Variants in BICD1 observed in about 807,000 individuals in gnomAD.
BICD1 encodes the protein BICD cargo adaptor 1, also known as protein bicaudal D homolog 1.
Under a neutral mutation model 92.5 loss-of-function variants are expected in BICD1, and 35 were observed. The observed-to-expected ratio is 0.38, with a 90% CI of 0.29 to 0.50. The LOEUF (loss-of-function observed/expected upper bound fraction) is 0.50. BICD1 is among the 20% of genes least tolerant of loss of function. The pLI, the probability that BICD1 is intolerant of heterozygous loss-of-function variation, is 0.93. For missense variants in BICD1, 950 were observed against 1,189.8 expected, an observed-to-expected ratio of 0.80 and a Z score of 2.97; for synonymous variants, 429 against 465.1, an observed-to-expected ratio of 0.92 and a Z score of 1.00.
At chr12:32,117,968 G>A (rs1425454656) in intron 1 of BICD1, among the ~76,000 whole-genome samples, 3 of 151,362 alleles carry the variant, frequency 2.0e-5, no homozygotes, top group African/African-American at 7.2e-5. Flanking sequence ...CAGGCTGGTC[G>A]CGAACTCCTG....
chr12:32,222,821 T>A (rs894010828), intron 2 of BICD1, among the ~76,000 whole-genome samples: 121 of 152,250 alleles, frequency 7.9e-4, no homozygotes, highest in Non-Finnish European at 3.4e-4. Flanking sequence ...GGACAAGGCA[T>A]TCATCCTCTC....
chr12:32,157,762 A>C (rs1344814499), intron 1 of BICD1, among the ~76,000 whole-genome samples: 1 of 151,686 alleles, frequency 6.6e-6, no homozygotes, highest in Non-Finnish European at 1.5e-5. Flanking sequence ...TACCTTAGAG[A>C]TTTTACTTTT....
At chr12:32,110,978 A>G (rs1054219142) in intron 1 of BICD1, among the ~76,000 whole-genome samples, 1 of 151,378 alleles carries the variant, frequency 6.6e-6, no homozygotes, top group African/African-American at 2.4e-5. Context: ...CCTAAAACTT[A>G]AAGTATAATA....
rs1940203424 is a variant in BICD1 at position 32,382,170 on chromosome 12, G to A, written c.*4543G>A. On this transcript the variant is annotated 3_prime_UTR_variant, in exon 10 of 10. Transcript: ENST00000652176. ...CCATAGTCCCTAATGTATTGCGTTT[G>A]TAACCTGATCGTATTATGTTTACAG... is the stretch of plus-strand genomic sequence containing the variant. 6.6e-6 allele frequency: 1 copy of A among 152,010 alleles called. No homozygotes were observed. Among genetic ancestry groups the A allele is most frequent in the Admixed American group, 6.6e-5 (1 of 15,252 alleles). The allele number at this position is 152,010 out of a possible 1,614,324, so 9.4% of individuals were successfully genotyped here.
At chr12:32,177,722 A>AATATATTTATATATTTATAAAAATAT (rs1250507002) in intron 1 of BICD1, among the ~76,000 whole-genome samples, 3 of 136,214 alleles carry the variant, frequency 2.2e-5, no homozygotes, top group Middle Eastern at 3.8e-3. Context: ...TAAATATATA[A>AATATATTTATATATTTATAAAAATAT]ATATATTTAT....
chr12:32,364,024 C>T (rs925974344), intron 8 of BICD1, among the ~76,000 whole-genome samples: 7 of 150,938 alleles, frequency 4.6e-5, no homozygotes, highest in Admixed American at 6.6e-5. Context: ...ACCATCACCA[C>T]CATCATCACC....
intron 8 of BICD1, chr12:32,339,755 G>C (rs1938288283): frequency 6.1e-6 from 6 of 985,322 alleles, no homozygotes; most frequent in Non-Finnish European, 7.2e-6. Context: ...ATAAACCAAA[G>C]TAAGCTTAAA....
At chr12:32,339,730 G>A in intron 8 of BICD1, 1 of 985,346 alleles carries the variant, frequency 1.0e-6, no homozygotes, top group Non-Finnish European at 1.2e-6. Context: ...GGCAGAAGTG[G>A]CAAACAAGGA....
At chr12:32,366,474 C>T (rs1210763357) in intron 8 of BICD1, among the ~76,000 whole-genome samples, 1 of 152,154 alleles carries the variant, frequency 6.6e-6, no homozygotes, top group African/African-American at 2.4e-5. Flanking sequence ...ACAAAATTAG[C>T]CGGGTGTGGT....
chr12:32,330,479 C>T (rs1386604293), intron 5 of BICD1, among the ~76,000 whole-genome samples: 5 of 151,100 alleles, frequency 3.3e-5, no homozygotes, highest in Admixed American at 6.6e-5. Flanking sequence ...ATGTAAATGA[C>T]GAGTTAATGG....
In BICD1 at chr12:32,127,436, C is replaced by G. The variant is rs74460114; in HGVS notation, c.213+19892C>G. Reference sequence around the variant, plus strand: ...ACAGGTTACTGAACAGTTGATCTTTCCTGCACTAATTTCCAATGTGTGTTT... The same window carrying G: ...ACAGGTTACTGAACAGTTGATCTTTGCTGCACTAATTTCCAATGTGTGTTT... On this transcript the variant is annotated intron_variant, in intron 1 of 9. Coordinates refer to ENST00000652176, the MANE Select transcript of BICD1 (RefSeq NM_001714.4). 4.2e-3 allele frequency among the ~76,000 whole-genome samples: 640 copies of G among 152,260 alleles called. 3 individuals carry two copies. The highest frequency in any genetic ancestry group is 0.027 in the Middle Eastern group (8 of 294).
chr12:32,175,914 C>T (rs762612412), intron 1 of BICD1, among the ~76,000 whole-genome samples: 4 of 152,094 alleles, frequency 2.6e-5, no homozygotes, highest in Admixed American at 2.6e-4. Flanking sequence ...CACAAGCAAT[C>T]GTTAATTTAC....
intron 4 of BICD1, among the ~76,000 whole-genome samples, chr12:32,320,028 G>A (rs909137317): frequency 2.0e-5 from 3 of 152,132 alleles, no homozygotes; most frequent in Non-Finnish European, 4.4e-5. Context: ...CTCATATAGA[G>A]TTTCTTTGTT....
chr12:32,115,268 T>C (rs1219537747), intron 1 of BICD1, among the ~76,000 whole-genome samples: 1 of 152,222 alleles, frequency 6.6e-6, no homozygotes, highest in African/African-American at 2.4e-5. Context: ...AATTAATAGT[T>C]TTCCCTTCTT....
intron 8 of BICD1, chr12:32,339,553 C>T: frequency 1.0e-6 from 1 of 985,428 alleles, no homozygotes; most frequent in Non-Finnish European, 1.2e-6. Flanking sequence ...AACATGTTCA[C>T]ACTTAGCTTC....
chr12:32,258,299 T>C (rs1489161794), intron 2 of BICD1, among the ~76,000 whole-genome samples: 3 of 152,180 alleles, frequency 2.0e-5, no homozygotes, highest in Non-Finnish European at 2.9e-5. Context: ...CTCTAGTGAG[T>C]GTATAGTGAT....
At chr12:32,332,017 G>A (rs12578899) in intron 5 of BICD1, among the ~76,000 whole-genome samples, 3 of 152,052 alleles carry the variant, frequency 2.0e-5, no homozygotes, top group Non-Finnish European at 4.4e-5. Flanking sequence ...TTTTAAAATA[G>A]GCATTCTACT....
chr12:32,374,734 ATTTTTTTTTTT>A (rs1179747608), intron 9 of BICD1, among the ~76,000 whole-genome samples: 6 of 80,092 alleles, frequency 7.5e-5, no homozygotes, highest in African/African-American at 1.1e-4. Flanking sequence ...CGCCCGGCTA[ATTTTTTTTTTT>A]TTTTTTTTTT....
chr12:32,340,778 T>A (rs1164868290), intron 8 of BICD1: 1 of 159,718 alleles, frequency 6.3e-6, no homozygotes, highest in Non-Finnish European at 1.3e-5. Context: ...TTGTTTCAGA[T>A]GCTGTTATCA....
Sources: gnomAD v4.1 joint callset for allele counts (sites outside exome capture counted in the v4.1 genomes callset) on GRCh38, gnomAD v4.1.1 for gene constraint, MANE v1.5 for transcripts, NCBI Gene and HGNC (gene_info 2026-07-23, HGNC 2026-07-21) for gene names.